Variants in NKAIN3 observed in about 807,000 individuals in gnomAD.
The protein encoded by NKAIN3 is sodium/potassium-transporting ATPase subunit beta-1-interacting protein 3.
In NKAIN3, 25 loss-of-function variants were observed where a neutral mutation model predicts 30.2. The observed-to-expected ratio is 0.83, with a 90% CI of 0.60 to 1.16. NKAIN3 has a LOEUF of 1.16. Among genes scored for constraint, NKAIN3 ranks in the 50% most tolerant of loss-of-function variants. The pLI is 0.00. For synonymous variants in NKAIN3, 91 were observed against 89.6 expected, an observed-to-expected ratio of 1.02 and a Z score of -0.09; for missense variants, 225 against 254.1, an observed-to-expected ratio of 0.89 and a Z score of 0.78.
intron 1 of NKAIN3, among the ~76,000 whole-genome samples, chr8:62,315,827 C>T (rs1814603227): frequency 1.3e-5 from 2 of 152,264 alleles, no homozygotes; most frequent in Middle Eastern, 3.4e-3. Flanking sequence ...CACTTATTCT[C>T]AATAACTTTT....
At chr8:62,528,927 A>G (rs1338128746) in intron 1 of NKAIN3, among the ~76,000 whole-genome samples, 1 of 152,128 alleles carries the variant, frequency 6.6e-6, no homozygotes, top group Non-Finnish European at 1.5e-5. Flanking sequence ...TCCTAATTTT[A>G]TACATAAGAA....
intron 1 of NKAIN3, among the ~76,000 whole-genome samples, chr8:62,364,941 G>T (rs1816693115): frequency 6.7e-6 from 1 of 148,530 alleles, no homozygotes; most frequent in Non-Finnish European, 1.5e-5. Flanking sequence ...ACCTTTATTT[G>T]CAGAGTAATT....
At chr8:62,719,931 G>A (rs914103572) in intron 3 of NKAIN3, among the ~76,000 whole-genome samples, 18 of 151,506 alleles carry the variant, frequency 1.2e-4, no homozygotes, top group African/African-American at 4.4e-4. Context: ...TAATTTTTTT[G>A]TATTTTCAGT....
chr8:62,998,590 A>G (rs1412487640), intron 5 of NKAIN3, among the ~76,000 whole-genome samples: 1 of 152,012 alleles, frequency 6.6e-6, no homozygotes, highest in Non-Finnish European at 1.5e-5. Flanking sequence ...TCATTTTTCT[A>G]TCACTTGCAC....
rs1462565540 is a variant in NKAIN3 at position 62,249,100 on chromosome 8, G to A, written c.27G>A (p.Ser9=). The change falls in exon 1 of 7, where the codon TCG becomes TCA. Residue 9 remains serine (S), a synonymous_variant. Coordinates refer to ENST00000623646, the MANE Select transcript of NKAIN3 (RefSeq NM_001304533.3). MGCCTGRC[S]LICLCALQLV... is the part of the protein sequence containing the mutation. Reference sequence around the variant, plus strand: ...TGGGCTGCTGCACCGGACGCTGCTCGCTCATCTGCCTCTGCGCGCTGCAGT... The same window carrying A: ...TGGGCTGCTGCACCGGACGCTGCTCACTCATCTGCCTCTGCGCGCTGCAGT... The A allele has an allele frequency of 2.6e-6, 4 of 1,539,082 alleles. No homozygotes were observed. Among genetic ancestry groups the A allele is most frequent in the Non-Finnish European group, 3.5e-6 (4 of 1,144,188 alleles).
intron 3 of NKAIN3, among the ~76,000 whole-genome samples, chr8:62,594,732 T>C (rs1233646689): frequency 1.3e-5 from 2 of 152,046 alleles, no homozygotes; most frequent in Non-Finnish European, 2.9e-5. Flanking sequence ...TAGTTTGTTC[T>C]ACTGGAAATA....
At chr8:62,490,943 C>T (rs1210858406) in intron 1 of NKAIN3, among the ~76,000 whole-genome samples, 2 of 152,178 alleles carry the variant, frequency 1.3e-5, no homozygotes, top group East Asian at 1.9e-4. Flanking sequence ...AACAAACACT[C>T]GATAAGTAGT....
At chr8:62,885,315 C>A (rs2130818576) in intron 4 of NKAIN3, among the ~76,000 whole-genome samples, 1 of 152,202 alleles carries the variant, frequency 6.6e-6, no homozygotes, top group African/African-American at 2.4e-5. Flanking sequence ...TGATTTATTT[C>A]TAGTTTAATC....
rs1810232646 is a variant in NKAIN3, at chr8:62,579,676, G to A, written c.192G>A (p.Val64=). The A allele has an allele frequency of 1.4e-6, 2 of 1,454,602 alleles. No homozygotes were observed. Among genetic ancestry groups the A allele is most frequent in the Non-Finnish European group, 1.8e-6 (2 of 1,096,974 alleles). The allele number at this position is 1,454,602 out of a possible 1,614,324, so 90.1% of individuals were successfully genotyped here. ...TIQYRPRYIM[V]YTVWTALWVT... is the part of the protein sequence containing the mutation. ...AGTACAGACCTCGATACATAATGGT[G>A]GTAAGTCTTATTTTTATCATTTTGC... The change falls in exon 2 of 7, where the codon GTG becomes GTA. Residue 64 remains valine, a splice_region_variant and synonymous_variant. Coordinates refer to ENST00000623646, the MANE Select transcript of NKAIN3 (RefSeq NM_001304533.3).
At chr8:62,988,397 G>A (rs758900790), downstream of NKAIN3, among the ~76,000 whole-genome samples, 11 of 152,314 alleles carry the variant, frequency 7.2e-5, no homozygotes, top group South Asian at 6.2e-4. Context: ...TGAGGGCTCC[G>A]CACCTGCAGC....
At chr8:62,917,713 G>T (rs1010109103) in intron 4 of NKAIN3, among the ~76,000 whole-genome samples, 6 of 152,198 alleles carry the variant, frequency 3.9e-5, no homozygotes, top group African/African-American at 1.4e-4. Flanking sequence ...ACCTATTGAA[G>T]TGCTTATAGT....
At chr8:62,349,808 A>G (rs1419886101) in intron 1 of NKAIN3, among the ~76,000 whole-genome samples, 2 of 152,196 alleles carry the variant, frequency 1.3e-5, no homozygotes, top group African/African-American at 4.8e-5. Flanking sequence ...GAGTGAAGGT[A>G]GATATATCAG....
At chr8:62,900,233 TTG>T in intron 4 of NKAIN3, among the ~76,000 whole-genome samples, 1 of 58,372 alleles carries the variant, frequency 1.7e-5, no homozygotes, top group Non-Finnish European at 2.7e-5. Flanking sequence ...GACTCATATC[TTG>T]TATTCTTGTG....
chr8:62,600,026 G>A (rs957656358), intron 3 of NKAIN3, among the ~76,000 whole-genome samples: 1 of 151,944 alleles, frequency 6.6e-6, no homozygotes, highest in African/African-American at 2.4e-5. Flanking sequence ...AAGAACCCAA[G>A]TTTTAATACT....
At chr8:62,604,546 A>G (rs1811068798) in intron 3 of NKAIN3, among the ~76,000 whole-genome samples, 1 of 152,176 alleles carries the variant, frequency 6.6e-6, no homozygotes, top group African/African-American at 2.4e-5. Flanking sequence ...AAGCTGAAAA[A>G]CAATAAAAGC....
chr8:62,379,982 C>G (rs557052634), intron 1 of NKAIN3, among the ~76,000 whole-genome samples: 11 of 152,306 alleles, frequency 7.2e-5, no homozygotes, highest in Middle Eastern at 3.4e-3. Flanking sequence ...ATAAATGTCC[C>G]TGTCATGATA....
chr8:62,460,633 T>A (rs544555938), intron 1 of NKAIN3, among the ~76,000 whole-genome samples: 2 of 152,192 alleles, frequency 1.3e-5, no homozygotes, highest in South Asian at 4.2e-4. Flanking sequence ...GCTCACATTC[T>A]CACTGCAGCC....
At chr8:62,625,504 G>C (rs764240931) in intron 3 of NKAIN3, among the ~76,000 whole-genome samples, 1 of 152,032 alleles carries the variant, frequency 6.6e-6, no homozygotes, top group African/African-American at 2.4e-5. Context: ...ATCCATTTAA[G>C]TTTTGTCTCC....
Position 62,360,422 on chromosome 8 carries a change from G to A in NKAIN3, c.54+111295G>A, listed in dbSNP as rs556488047. ...AGTTGATAAATCTCATGGTGATTCT[G>A]GACAAGCAAGGATCTTCACTGTCCT... On this transcript the variant is annotated intron_variant, in intron 1 of 6. Transcript: ENST00000623646. 1.6e-4 allele frequency among the ~76,000 whole-genome samples: 24 copies of A among 152,280 alleles called. No homozygotes were observed. In the South Asian group the frequency reaches 4.6e-3, roughly 29 times the overall value.
Sources: allele counts gnomAD v4.1 joint callset (sites outside exome capture counted in the v4.1 genomes callset), GRCh38; gene constraint gnomAD v4.1.1; transcripts MANE v1.5; gene names NCBI Gene and HGNC (gene_info 2026-07-23, HGNC 2026-07-21).